The following SPOCK1 variants were observed in gnomAD, a reference collection of about 807,000 sequenced individuals.
The protein encoded by SPOCK1 is SPARC (osteonectin), cwcv and kazal like domains proteoglycan 1.
In SPOCK1, 23 loss-of-function variants were observed where a neutral mutation model predicts 55.3. The observed-to-expected ratio is 0.42, with a 90% CI of 0.30 to 0.59. The LOEUF is 0.59. SPOCK1 is among the 20% of genes least tolerant of loss of function. The probability of loss-of-function intolerance (pLI) is 0.22; values close to 1 mark genes in which losing one functional copy is unlikely to be tolerated. For missense variants in SPOCK1, 499 were observed against 552.5 expected (o/e 0.90, Z 0.97); for synonymous variants, 226 against 221.0 (o/e 1.02, Z -0.20).
chr5:136,978,608 T>C lies in SPOCK1; in HGVS notation c.*46A>G. On this transcript the variant is annotated 3_prime_UTR_variant, in exon 11 of 11. Coordinates refer to ENST00000394945, the MANE Select transcript of SPOCK1 (RefSeq NM_004598.4). Reference sequence around the variant, plus strand: ...TAGATACAAATGCAGGAATAGGAAGTGACTTGCAATTTTGTGCAAAACTTG... The same window carrying C: ...TAGATACAAATGCAGGAATAGGAAGCGACTTGCAATTTTGTGCAAAACTTG... The C allele has an allele frequency of 8.4e-6, 13 of 1,551,064 alleles. No individual in the cohort carries two copies. Among genetic ancestry groups the C allele is most frequent in the Non-Finnish European group, 1.1e-5 (13 of 1,149,978 alleles).
chr5:137,295,187 G>A (rs1433879659), intron 2 of SPOCK1, among the ~76,000 whole-genome samples: 1 of 152,218 alleles, frequency 6.6e-6, no homozygotes, highest in East Asian at 1.9e-4. Flanking sequence ...CTGCATGGCT[G>A]CAATACAGCT....
intron 2 of SPOCK1, among the ~76,000 whole-genome samples, chr5:137,353,445 G>A (rs139196233): frequency 3.5e-4 from 53 of 152,100 alleles, no homozygotes; most frequent in African/African-American, 9.6e-4. Context: ...ACCCACTGCC[G>A]CCTTCTTGAT....
chr5:136,977,866 A>G lies in SPOCK1; in HGVS notation c.*788T>C, dbSNP rs1414992738. The G allele has an allele frequency of 2.5e-6, 1 of 398,794 alleles. No homozygotes were observed. The highest frequency in any genetic ancestry group is 4.4e-6 in the Non-Finnish European group (1 of 226,058). The allele number at this position is 398,794 out of a possible 1,614,324, so 24.7% of individuals were successfully genotyped here. ...GACTTTAATACAAATTTCTTATTCC[A>G]GAAATTTTGTTCCAGGTCTGGACAA... is the stretch of plus-strand genomic sequence containing the variant. On this transcript the variant is annotated 3_prime_UTR_variant, in exon 11 of 11. Coordinates refer to ENST00000394945, the MANE Select transcript of SPOCK1 (RefSeq NM_004598.4).
intron 2 of SPOCK1, among the ~76,000 whole-genome samples, chr5:137,461,580 T>C (rs1753490446): frequency 6.6e-6 from 1 of 152,184 alleles, no homozygotes; most frequent in African/African-American, 2.4e-5. Flanking sequence ...TCCACTGTGA[T>C]TGAAATAAGA....
At chr5:137,298,707 T>G (rs1757533886) in intron 2 of SPOCK1, among the ~76,000 whole-genome samples, 1 of 152,208 alleles carries the variant, frequency 6.6e-6, no homozygotes, top group Non-Finnish European at 1.5e-5. Context: ...CTGTTAGGTT[T>G]TCTGGGTGAA....
Position 136,978,757 on chromosome 5 carries a change from G to C in SPOCK1, c.1217C>G (p.Pro406Arg), listed in dbSNP as rs1443158794. ...DDLEYERELG[P>R]KDKEGKLRVH... ...CCTCAGCTTCCCCTCTTTGTCCTTT[G>C]GTCCCAGCTCCCGTTCATATTCTAG... Residue 406 changes from proline (P) to arginine (R), a missense_variant, in exon 11 of 11, where the codon CCA (proline) becomes CGA (arginine). Physicochemically the swap from Pro to Arg is moderately radical, Grantham distance 103. Around this residue, in one of 3 missense-constraint regions of SPOCK1, gnomAD observed 83 missense variants for 87.5 expected, o/e 0.95. Transcript: ENST00000394945. 7 of 1,613,838 alleles carry C rather than the reference G, an allele frequency of 4.3e-6. No homozygotes were observed. Among genetic ancestry groups the C allele is most frequent in the Non-Finnish European group, 4.2e-6 (5 of 1,179,986 alleles).
intron 3 of SPOCK1, among the ~76,000 whole-genome samples, chr5:137,196,329 C>G (rs1035962131): frequency 3.9e-5 from 6 of 152,176 alleles, no homozygotes; most frequent in Non-Finnish European, 5.9e-5. Flanking sequence ...AAATCTGTCG[C>G]CTAGCCCTCT....
At chr5:136,989,792 A>AG (rs555251999) in intron 7 of SPOCK1, among the ~76,000 whole-genome samples, 21 of 152,110 alleles carry the variant, frequency 1.4e-4, no homozygotes, top group Non-Finnish European at 2.2e-4. Flanking sequence ...GGGCAGTGCA[A>AG]GGGGGGGCCT....
At chr5:137,490,884 G>C (rs1179661411) in intron 2 of SPOCK1, among the ~76,000 whole-genome samples, 1 of 152,124 alleles carries the variant, frequency 6.6e-6, no homozygotes. Context: ...GCAAGAAATG[G>C]AGTGAAGACA....
At chr5:137,256,007 G>A (rs1756623702) in intron 3 of SPOCK1, among the ~76,000 whole-genome samples, 1 of 152,202 alleles carries the variant, frequency 6.6e-6, no homozygotes, top group Non-Finnish European at 1.5e-5. Flanking sequence ...TGGCCAGGCT[G>A]CCAGTGCCCA....
intron 6 of SPOCK1, among the ~76,000 whole-genome samples, chr5:137,002,079 G>C (rs1350339862): frequency 6.6e-6 from 1 of 152,110 alleles, no homozygotes; most frequent in Non-Finnish European, 1.5e-5. Context: ...CATGAGCAAA[G>C]GAATTAGGTG....
chr5:137,365,549 T>G (rs1751040614), intron 2 of SPOCK1: 1 of 152,254 alleles, frequency 6.6e-6, no homozygotes, highest in Non-Finnish European at 1.5e-5. Context: ...TGGAGGGTCT[T>G]GGTTAGTCAG....
At chr5:137,053,594 C>G (rs1428416888) in intron 6 of SPOCK1, among the ~76,000 whole-genome samples, 1 of 148,410 alleles carries the variant, frequency 6.7e-6, no homozygotes, top group Non-Finnish European at 1.5e-5. Flanking sequence ...GTTGCTTCAG[C>G]TACTCCATAG....
Position 136,976,935 on chromosome 5 carries a change from G to C in SPOCK1, c.*1719C>G, listed in dbSNP as rs977271796. ...AATGGTCAATTTGGGATGGGGGATTGGTCAGCTGCCACTATAATCATGTTT... is the reference window on the plus strand; with the variant it reads ...AATGGTCAATTTGGGATGGGGGATTCGTCAGCTGCCACTATAATCATGTTT... On this transcript the variant is annotated 3_prime_UTR_variant, in exon 11 of 11. Transcript: ENST00000394945. The C allele has an allele frequency of 6.6e-6, 1 of 152,192 alleles. No individual in the cohort carries two copies. The highest frequency in any genetic ancestry group is 1.5e-5 in the Non-Finnish European group (1 of 68,050). 9.4% of individuals were successfully genotyped at this position (152,192 alleles called of 1,614,324 possible).
At chr5:137,148,320 G>T (rs542481091) in intron 3 of SPOCK1, among the ~76,000 whole-genome samples, 1 of 152,308 alleles carries the variant, frequency 6.6e-6, no homozygotes, top group South Asian at 2.1e-4. Flanking sequence ...AGCCCAACAT[G>T]GTAATTTACA....
chr5:137,350,425 G>GC (rs1181162374), intron 2 of SPOCK1, among the ~76,000 whole-genome samples: 1 of 152,220 alleles, frequency 6.6e-6, no homozygotes, highest in Admixed American at 6.5e-5. Flanking sequence ...GCTTGGCTGA[G>GC]CAAGGCTTCT....
intron 2 of SPOCK1, among the ~76,000 whole-genome samples, chr5:137,357,851 C>T (rs1750850678): frequency 6.6e-6 from 1 of 152,148 alleles, no homozygotes; most frequent in Non-Finnish European, 1.5e-5. Flanking sequence ...CCTCTTCTTA[C>T]CTTCTGTTAA....
At chr5:137,025,096 CA>C (rs1751647640) in intron 6 of SPOCK1, among the ~76,000 whole-genome samples, 1 of 152,028 alleles carries the variant, frequency 6.6e-6, no homozygotes, top group African/African-American at 2.4e-5. Context: ...CAGCAGTTGC[CA>C]GGGGGAAGAG....
intron 3 of SPOCK1, among the ~76,000 whole-genome samples, chr5:137,193,111 G>C (rs1278601531): frequency 6.6e-6 from 1 of 152,168 alleles, no homozygotes; most frequent in Non-Finnish European, 1.5e-5. Context: ...TGATGTTTGT[G>C]TGGCAAAGAC....
Sources: gnomAD v4.1 joint callset for allele counts (sites outside exome capture counted in the v4.1 genomes callset) on GRCh38, gnomAD v4.1.1 for gene constraint, gnomAD v4.1.1 regional missense constraint, MANE v1.5 for transcripts, NCBI Gene and HGNC (gene_info 2026-07-23, HGNC 2026-07-21) for gene names.